IPO11: variants seen among roughly 807,000 people sequenced by gnomAD.
The protein encoded by IPO11 is importin-11.
Under a neutral mutation model 143.2 loss-of-function variants are expected in IPO11, and 66 were observed. The observed-to-expected ratio is 0.46, with a 90% CI of 0.38 to 0.57. The LOEUF (loss-of-function observed/expected upper bound fraction) is 0.57. Ranked by LOEUF, IPO11 falls within the 20% of genes least tolerant of loss-of-function variation. IPO11 has a pLI of 0.00. For synonymous variants in IPO11, 385 were observed against 377.8 expected (o/e 1.02, Z -0.22); for missense variants, 1,026 against 1,141.0 (o/e 0.90, Z 1.45).
At chr5:62,480,929 TTTTG>T (rs1319814582) in intron 9 of IPO11, among the ~76,000 whole-genome samples, 2 of 124,048 alleles carry the variant, frequency 1.6e-5, no homozygotes, top group African/African-American at 3.1e-5. Context: ...TTTTTTTTTT[TTTTG>T]GAGACAGAGT....
intron 16 of IPO11, among the ~76,000 whole-genome samples, chr5:62,502,782 G>GATTTC (rs1741391051): frequency 6.6e-6 from 1 of 151,928 alleles, no homozygotes; most frequent in African/African-American, 2.4e-5. Context: ...CTGGCAGTTT[G>GATTTC]ATTTCTTTTC....
chr5:62,542,125 G>A (rs1208327245), intron 24 of IPO11, among the ~76,000 whole-genome samples: 2 of 151,162 alleles, frequency 1.3e-5, no homozygotes, highest in African/African-American at 2.4e-5. Flanking sequence ...GCCCAGGCTG[G>A]AGTGCAATGG....
intron 26 of IPO11, among the ~76,000 whole-genome samples, chr5:62,554,649 C>G (rs1386910046): frequency 6.9e-6 from 1 of 145,430 alleles, no homozygotes; most frequent in African/African-American, 2.6e-5. Flanking sequence ...TATGCTGGTA[C>G]CATGCTATTT....
intron 1 of IPO11, among the ~76,000 whole-genome samples, chr5:62,423,692 T>TA (rs1349971789): frequency 6.6e-6 from 1 of 152,204 alleles, no homozygotes; most frequent in African/African-American, 2.4e-5. Flanking sequence ...CTTCTCTAGT[T>TA]ACATTGATAG....
chr5:62,444,001 A>G (rs1192332935), intron 3 of IPO11, among the ~76,000 whole-genome samples: 1 of 152,226 alleles, frequency 6.6e-6, no homozygotes, highest in Non-Finnish European at 1.5e-5. Context: ...CAAAATGCAT[A>G]TAAAACATGT....
chr5:62,536,685 A>C lies in IPO11; in HGVS notation c.2090-17A>C. 6.4e-7 allele frequency: 1 copy of C among 1,574,374 alleles called. No individual in the cohort carries two copies. Among genetic ancestry groups the C allele is most frequent in the Non-Finnish European group, 8.6e-7 (1 of 1,167,156 alleles). On this transcript the variant is annotated splice_polypyrimidine_tract_variant and intron_variant, in intron 22 of 29. Transcript: ENST00000325324. ...GAATTAATTTGGTTTTTTGTTTGAC[A>C]TTTATTGTTTTGGCAGAACTAAGTT...
chr5:62,493,904 T>TA (rs1324540560), intron 15 of IPO11, 94 bp from the exon 16 acceptor site: 54 of 1,144,378 alleles, frequency 4.7e-5, no homozygotes, highest in Non-Finnish European at 6.5e-5. Flanking sequence ...ATTGCATTCT[T>TA]ACTACATTTT....
intron 5 of IPO11, among the ~76,000 whole-genome samples, chr5:62,452,476 A>T (rs2112163006): frequency 6.6e-6 from 1 of 151,006 alleles, no homozygotes; most frequent in East Asian, 1.9e-4. Context: ...GGATGAGATG[A>T]TAGGTCTCTT....
At chr5:62,556,409 G>T (rs975373820) in intron 26 of IPO11, among the ~76,000 whole-genome samples, 1 of 152,194 alleles carries the variant, frequency 6.6e-6, no homozygotes, top group African/African-American at 2.4e-5. Flanking sequence ...GACTACTCCA[G>T]TTACTGCTTG....
At chr5:62,438,327 T>C (rs1355065417) in intron 2 of IPO11, among the ~76,000 whole-genome samples, 1 of 152,140 alleles carries the variant, frequency 6.6e-6, no homozygotes, top group Non-Finnish European at 1.5e-5. Context: ...AAAAGATGGC[T>C]GTTTGGCTCA....
rs529209807 is a variant in IPO11, at chr5:62,611,768, A to G, written c.2763+9920A>G. On this transcript the variant is annotated intron_variant, in intron 29 of 29. Transcript: ENST00000325324. ...CTCATTTGGGAGAACTTTTTTAGTA[A>G]CTTAGGTAACATGCCAGGGTACATT... 3.3e-5 allele frequency among the ~76,000 whole-genome samples: 5 copies of G among 152,256 alleles called. No homozygotes were observed. In the South Asian group the frequency reaches 1.0e-3, roughly 32 times the overall value.
intron 20 of IPO11, among the ~76,000 whole-genome samples, chr5:62,517,633 C>A (rs1483974122): frequency 6.6e-6 from 1 of 152,140 alleles, no homozygotes; most frequent in Non-Finnish European, 1.5e-5. Context: ...GAACTGCCGA[C>A]CTCAGGTGAT....
Position 62,553,797 on chromosome 5 carries a change from G to A in IPO11, c.2460+2461G>A, listed in dbSNP as rs549586297. Among the ~76,000 whole-genome samples the A allele has an allele frequency of 2.0e-5, 3 of 152,174 alleles. No individual in the cohort carries two copies. In the South Asian group the frequency reaches 6.2e-4, roughly 32 times the overall value. ...AGACAGAGTCTCACTCTGTCACCCA[G>A]GCTGGAGTGCAGTGGCACGATCTCG... On this transcript the variant is annotated intron_variant, in intron 26 of 29. Coordinates refer to ENST00000325324, the MANE Select transcript of IPO11 (RefSeq NM_016338.5).
intron 4 of IPO11, among the ~76,000 whole-genome samples, chr5:62,450,565 T>C (rs1744874907): frequency 1.3e-5 from 2 of 152,104 alleles, no homozygotes; most frequent in Non-Finnish European, 1.5e-5. Context: ...TCTCAGAACA[T>C]ATCTCTGTTG....
chr5:62,615,022 T>C (rs1472282932), intron 29 of IPO11, among the ~76,000 whole-genome samples: 1 of 152,150 alleles, frequency 6.6e-6, no homozygotes, highest in Non-Finnish European at 1.5e-5. Context: ...GATGCTCCTC[T>C]TCTTCCTTCC....
chr5:62,425,388 G>C (rs1743694740), intron 1 of IPO11, among the ~76,000 whole-genome samples: 2 of 152,134 alleles, frequency 1.3e-5, no homozygotes, highest in Admixed American at 6.6e-5. Context: ...TGCAATCTCG[G>C]CTCACTGCAA....
At chr5:62,461,075 C>T (rs1057454056) in intron 5 of IPO11, among the ~76,000 whole-genome samples, 3 of 152,104 alleles carry the variant, frequency 2.0e-5, no homozygotes, top group African/African-American at 7.2e-5. Context: ...TAAAGAAAAA[C>T]TTTTCAAACA....
chr5:62,610,217 C>CA (rs1745878237), intron 29 of IPO11, among the ~76,000 whole-genome samples: 1 of 152,150 alleles, frequency 6.6e-6, no homozygotes, highest in African/African-American at 2.4e-5. Context: ...TAGAGGTACT[C>CA]ATATTTGTTA....
At chr5:62,435,114 A>ATATATGTATGTATATG (rs1561308819) in intron 1 of IPO11, among the ~76,000 whole-genome samples, 1 of 102,310 alleles carries the variant, frequency 9.8e-6, no homozygotes, top group East Asian at 3.1e-4. Flanking sequence ...ATATATGTAT[A>ATATATGTATGTATATG]TATGTATATA....
Sources: allele counts gnomAD v4.1 joint callset (sites outside exome capture counted in the v4.1 genomes callset), GRCh38; gene constraint gnomAD v4.1.1; transcripts MANE v1.5; gene names NCBI Gene and HGNC (gene_info 2026-07-23, HGNC 2026-07-21).